The following AGAP1 variants were observed in gnomAD, a reference collection of about 807,000 sequenced individuals.
AGAP1 encodes the protein ArfGAP with GTPase domain, ankyrin repeat and PH domain 1.
A neutral mutation model predicts 105.3 loss-of-function variants in AGAP1; 29 were observed. The observed-to-expected ratio is 0.28, with a 90% confidence interval of 0.21 to 0.38. The LOEUF (loss-of-function observed/expected upper bound fraction) is 0.38. AGAP1 is among the 10% of genes least tolerant of loss of function. The probability of loss-of-function intolerance (pLI) is 1.00; values close to 1 mark genes in which losing one functional copy is unlikely to be tolerated. For synonymous variants in AGAP1, 509 were observed against 485.9 expected (o/e 1.05, Z -0.63); for missense variants, 998 against 1,165.1 (o/e 0.86, Z 2.09).
At chr2:235,653,204 G>A (rs555204551) in intron 1 of AGAP1, among the ~76,000 whole-genome samples, 4 of 152,210 alleles carry the variant, frequency 2.6e-5, no homozygotes, top group Admixed American at 1.3e-4. Context: ...AGTGGCTCAT[G>A]CCTGTAATCC....
In AGAP1 at chr2:236,002,468, T is replaced by C. The variant is rs566177102; in HGVS notation, c.1645+33845T>C. ...GAGGCTGTGTGTTTTCATAAGCGAATCCTGATTTTCTGACAAAAGAGACAT... is the reference window on the plus strand; with the variant it reads ...GAGGCTGTGTGTTTTCATAAGCGAACCCTGATTTTCTGACAAAAGAGACAT... On this transcript the variant is annotated intron_variant, in intron 13 of 17. Transcript: ENST00000304032. The surrounding 1 kb of genome is among the most constrained non-coding windows in gnomAD (Gnocchi z 4.3). Among the ~76,000 whole-genome samples, 1 of 152,278 alleles carries C rather than the reference T, an allele frequency of 6.6e-6. No homozygotes were observed. Among genetic ancestry groups the C allele is most frequent in the East Asian group, 1.9e-4 (1 of 5,168 alleles).
At position 235,959,381 on chromosome 2, in the gene AGAP1, G is replaced by A. The variant is rs1314183900; in HGVS notation, c.1484-9081G>A. On this transcript the variant is annotated intron_variant, in intron 12 of 17. Coordinates refer to ENST00000304032, the MANE Select transcript of AGAP1 (RefSeq NM_001037131.3). This position sits in a 1 kb window ranked among gnomAD's most constrained non-coding sequence, Gnocchi z 7.3. ...AAAGCACAGCGTGGAAGCCTAGTGC[G>A]TTGTGATTGCTCATATTTTAAACCA... is the stretch of plus-strand genomic sequence containing the variant. Among the ~76,000 whole-genome samples, 3 of 152,156 alleles carry A rather than the reference G, an allele frequency of 2.0e-5. No individual in the cohort carries two copies. The highest frequency in any genetic ancestry group is 2.0e-4 in the Admixed American group (3 of 15,286).
intron 5 of AGAP1, among the ~76,000 whole-genome samples, chr2:235,748,974 C>A (rs551721551): frequency 6.6e-6 from 1 of 152,246 alleles, no homozygotes; most frequent in South Asian, 2.1e-4. Flanking sequence ...TTTGGGAGGC[C>A]CAGGCGGGTG....
chr2:235,783,164 C>T, intron 6 of AGAP1: 1 of 340,254 alleles, frequency 2.9e-6, no homozygotes, highest in Non-Finnish European at 5.8e-6. Flanking sequence ...ACCATGATGT[C>T]ACCAAAGACA....
rs184494421 is a variant in AGAP1, at chr2:235,963,060, G to A, written c.1484-5402G>A. On this transcript the variant is annotated intron_variant, in intron 12 of 17. Coordinates refer to ENST00000304032, the MANE Select transcript of AGAP1 (RefSeq NM_001037131.3). The surrounding 1 kb of genome is among the most constrained non-coding windows in gnomAD (Gnocchi z 5.1). ...GTGGATGTGGAGGAAATGCTGATGGGTTGGCTGTGGTGGTCTCTTAGAGGA... is the reference window on the plus strand; with the variant it reads ...GTGGATGTGGAGGAAATGCTGATGGATTGGCTGTGGTGGTCTCTTAGAGGA... Among the ~76,000 whole-genome samples the A allele has an allele frequency of 3.9e-5, 6 of 152,188 alleles. No homozygotes were observed. Among genetic ancestry groups the A allele is most frequent in the African/African-American group, 1.4e-4 (6 of 41,450 alleles).
rs1255717691 is a variant in AGAP1, at chr2:235,700,403, T to G, written c.164-8776T>G. Among the ~76,000 whole-genome samples the G allele has an allele frequency of 6.6e-6, 1 of 152,182 alleles. No homozygotes were observed. Among genetic ancestry groups the G allele is most frequent in the Non-Finnish European group, 1.5e-5 (1 of 68,038 alleles). ...CTTTGATTCTCTCAGACGTGAATCC[T>G]TTAAGCAGTGCTTTACACACCCACG... On this transcript the variant is annotated intron_variant, in intron 1 of 17. Coordinates refer to ENST00000304032, the MANE Select transcript of AGAP1 (RefSeq NM_001037131.3). The surrounding 1 kb of genome is among the most constrained non-coding windows in gnomAD (Gnocchi z 6.1).
chr2:235,530,120 A>T (rs1942990983), intron 1 of AGAP1, among the ~76,000 whole-genome samples: 1 of 151,460 alleles, frequency 6.6e-6, no homozygotes, highest in South Asian at 2.1e-4. Flanking sequence ...TGACAGTAAA[A>T]CTCCCCGTAG....
Position 235,599,750 on chromosome 2 carries a change from C to A in AGAP1, c.163+104901C>A, listed in dbSNP as rs1945667016. Among the ~76,000 whole-genome samples the A allele has an allele frequency of 6.6e-6, 1 of 152,180 alleles. No individual in the cohort carries two copies. Among genetic ancestry groups the A allele is most frequent in the Admixed American group, 6.5e-5 (1 of 15,286 alleles). On this transcript the variant is annotated intron_variant, in intron 1 of 17. Coordinates refer to ENST00000304032, the MANE Select transcript of AGAP1 (RefSeq NM_001037131.3). This position sits in a 1 kb window ranked among gnomAD's most constrained non-coding sequence, Gnocchi z 5.3. ...ACGTGATTCTACCTGATCGCTGGCT[C>A]TCTAGGGCTTTTCCCCTCCAGGTTC...
rs1229249841 is a variant in AGAP1 at position 235,574,102 on chromosome 2, C to T, written c.163+79253C>T. Among the ~76,000 whole-genome samples, 1 of 152,222 alleles carries T rather than the reference C, an allele frequency of 6.6e-6. No individual in the cohort carries two copies. Among genetic ancestry groups the T allele is most frequent in the Non-Finnish European group, 1.5e-5 (1 of 68,042 alleles). ...TGTCCTATCTGAGGTCCACAGCCTG[C>T]AGGGACATCACCTAAAAGTTGTCAT... On this transcript the variant is annotated intron_variant, in intron 1 of 17. Transcript: ENST00000304032. The surrounding 1 kb of genome is among the most constrained non-coding windows in gnomAD (Gnocchi z 5.0).
At position 236,003,874 on chromosome 2, in the gene AGAP1, A is replaced by G. The variant is rs1263173677; in HGVS notation, c.1646-32687A>G. The stretch of plus-strand genomic sequence containing the variant: ...AAAGAACTTAAAATGAAAGAATATG[A>G]GAAAACCCCTAAATAATACATACAT... On this transcript the variant is annotated intron_variant, in intron 13 of 17. Coordinates refer to ENST00000304032, the MANE Select transcript of AGAP1 (RefSeq NM_001037131.3). This position sits in a 1 kb window ranked among gnomAD's most constrained non-coding sequence, Gnocchi z 4.2. Among the ~76,000 whole-genome samples, 1 of 152,134 alleles carries G rather than the reference A, an allele frequency of 6.6e-6. No homozygotes were observed. The highest frequency in any genetic ancestry group is 1.5e-5 in the Non-Finnish European group (1 of 68,020).
chr2:236,043,478 G>A (rs2057619233), intron 15 of AGAP1, among the ~76,000 whole-genome samples: 1 of 152,214 alleles, frequency 6.6e-6, no homozygotes, highest in African/African-American at 2.4e-5. Flanking sequence ...TGTAATCCCA[G>A]CACTTTGGGA....
Position 236,003,288 on chromosome 2 carries a change from G to A in AGAP1, c.1646-33273G>A, listed in dbSNP as rs2125526355. Among the ~76,000 whole-genome samples the A allele has an allele frequency of 6.6e-6, 1 of 152,242 alleles. No homozygotes were observed. The highest frequency in any genetic ancestry group is 2.1e-4 in the South Asian group (1 of 4,830). On this transcript the variant is annotated intron_variant, in intron 13 of 17. Transcript: ENST00000304032. The surrounding 1 kb of genome is among the most constrained non-coding windows in gnomAD (Gnocchi z 4.2). ...TCGAACTCCTGGCCTCAGGTGATCT[G>A]CCTGCCTCAGCCTCCCAGAGTGCCA...
chr2:235,721,475 T>TTTG lies in AGAP1; in HGVS notation c.310+3832_310+3833insTGT, dbSNP rs1449846314. The stretch of plus-strand genomic sequence containing the variant: ...TCTTGGATTGACAGATTCCTTAATA[T>TTTG]TATGTGTGTGTGTGTGTGTGTGTGT... On this transcript the variant is annotated intron_variant, in intron 3 of 17. Coordinates refer to ENST00000304032, the MANE Select transcript of AGAP1 (RefSeq NM_001037131.3). This position sits in a 1 kb window ranked among gnomAD's most constrained non-coding sequence, Gnocchi z 4.5. Among the ~76,000 whole-genome samples, 1 of 108,210 alleles carries TTTG rather than the reference T, an allele frequency of 9.2e-6. No individual in the cohort carries two copies. The highest frequency in any genetic ancestry group is 3.9e-4 in the East Asian group (1 of 2,532). The allele number at this position is 108,210 out of a possible 152,430, so 71.0% of individuals were successfully genotyped here.
rs1354486728 is a variant in AGAP1, at chr2:235,559,718, C to G, written c.163+64869C>G. Among the ~76,000 whole-genome samples the G allele has an allele frequency of 6.6e-6, 1 of 151,556 alleles. No individual in the cohort carries two copies. The highest frequency in any genetic ancestry group is 2.1e-4 in the South Asian group (1 of 4,802). ...TCAACTGTGGTTTTGATTTGCATTTCCCTGGTGACTAATGGTGTTGACCTT... is the reference window on the plus strand; with the variant it reads ...TCAACTGTGGTTTTGATTTGCATTTGCCTGGTGACTAATGGTGTTGACCTT... On this transcript the variant is annotated intron_variant, in intron 1 of 17. Transcript: ENST00000304032. The surrounding 1 kb of genome is among the most constrained non-coding windows in gnomAD (Gnocchi z 5.7).
intron 6 of AGAP1, among the ~76,000 whole-genome samples, chr2:235,755,982 G>A (rs1189251273): frequency 6.6e-6 from 1 of 152,206 alleles, no homozygotes; most frequent in East Asian, 1.9e-4. Context: ...AGAAGGCCAA[G>A]TCATGTTCAA....
chr2:235,730,706 A>G (rs1311189091), intron 3 of AGAP1, among the ~76,000 whole-genome samples: 1 of 152,178 alleles, frequency 6.6e-6, no homozygotes, highest in Non-Finnish European at 1.5e-5. Context: ...CCCAAGAACC[A>G]AACGTGTATT....
At position 235,612,432 on chromosome 2, in the gene AGAP1, G is replaced by T. The variant is rs568391217; in HGVS notation, c.164-96747G>T. On this transcript the variant is annotated intron_variant, in intron 1 of 17. Coordinates refer to ENST00000304032, the MANE Select transcript of AGAP1 (RefSeq NM_001037131.3). The surrounding 1 kb of genome is among the most constrained non-coding windows in gnomAD (Gnocchi z 4.3). ...AGCTGGAGCCCTTGGCCCTGGTAATGAGATCTCAGGGGCAGCGCCTAGAGT... is the reference window on the plus strand; with the variant it reads ...AGCTGGAGCCCTTGGCCCTGGTAATTAGATCTCAGGGGCAGCGCCTAGAGT... Among the ~76,000 whole-genome samples, 12 of 152,334 alleles carry T rather than the reference G, an allele frequency of 7.9e-5. No individual in the cohort carries two copies. The highest frequency in any genetic ancestry group is 2.4e-4 in the African/African-American group (10 of 41,580).
chr2:236,037,012 A>T (rs1369980157), intron 14 of AGAP1, among the ~76,000 whole-genome samples: 3 of 152,170 alleles, frequency 2.0e-5, no homozygotes, highest in Non-Finnish European at 4.4e-5. Flanking sequence ...CTGGGTCCAC[A>T]TTTATTTTTG....
At chr2:235,494,979 C>T (rs990513499) in intron 1 of AGAP1, 130 bp downstream of exon 1, 51 of 841,178 alleles carry the variant, frequency 6.1e-5, no homozygotes, top group East Asian at 1.5e-4. Context: ...CGAGGGAGCA[C>T]TGCGGCGCTG....
Sources: gnomAD v4.1 joint callset for allele counts (sites outside exome capture counted in the v4.1 genomes callset) on GRCh38, gnomAD v4.1.1 for gene constraint, Gnocchi (gnomAD v3.1) non-coding constraint, MANE v1.5 for transcripts, NCBI Gene and HGNC (gene_info 2026-07-23, HGNC 2026-07-21) for gene names.